The following NFIA variants were observed in gnomAD, a reference collection of about 807,000 sequenced individuals.
NFIA encodes the protein nuclear factor 1 A-type.
Under a neutral mutation model 62.8 loss-of-function variants are expected in NFIA, and 8 were observed. The ratio of observed to expected loss-of-function variants is 0.13; its 90% confidence interval spans 0.07 to 0.23. The LOEUF is 0.23. Ranked by LOEUF, NFIA falls within the 10% of genes least tolerant of loss-of-function variation. The pLI is 1.00. For missense variants in NFIA, 410 were observed against 642.1 expected, an observed-to-expected ratio of 0.64 and a Z score of 3.91; for synonymous variants, 235 against 238.1, an observed-to-expected ratio of 0.99 and a Z score of 0.12.
intron 9 of NFIA, among the ~76,000 whole-genome samples, chr1:61,413,373 A>G (rs1225002887): frequency 6.6e-6 from 1 of 152,150 alleles, no homozygotes; most frequent in African/African-American, 2.4e-5. Flanking sequence ...GTATTATCTT[A>G]TCCCATCTTC....
At chr1:61,206,664 A>T (rs761999655) in intron 2 of NFIA, among the ~76,000 whole-genome samples, 5 of 152,198 alleles carry the variant, frequency 3.3e-5, no homozygotes, top group African/African-American at 4.8e-5. Flanking sequence ...ATTTTGGATG[A>T]CATGCTGCAT....
intron 2 of NFIA, among the ~76,000 whole-genome samples, chr1:61,255,769 T>C (rs1474859872): frequency 2.0e-5 from 3 of 152,326 alleles, no homozygotes; most frequent in East Asian, 1.9e-4. Context: ...ACCTCTTTTT[T>C]CTTGGCACCT....
chr1:61,450,141 A>C (rs1557448783), intron 10 of NFIA, among the ~76,000 whole-genome samples: 1 of 152,240 alleles, frequency 6.6e-6, no homozygotes, highest in Non-Finnish European at 1.5e-5. Flanking sequence ...TAGACAAGAA[A>C]GTCCTACAGG....
chr1:61,391,332 G>A (rs2100499455), intron 7 of NFIA, among the ~76,000 whole-genome samples: 1 of 152,098 alleles, frequency 6.6e-6, no homozygotes, highest in South Asian at 2.1e-4. Context: ...AAAGTGCTGG[G>A]ATTACAACAG....
At chr1:61,145,502 A>T (rs1351196394) in intron 2 of NFIA, among the ~76,000 whole-genome samples, 10 of 152,208 alleles carry the variant, frequency 6.6e-5, no homozygotes, top group African/African-American at 2.4e-4. Context: ...TTGAGTATCT[A>T]CTATGTGCCA....
intron 10 of NFIA, among the ~76,000 whole-genome samples, chr1:61,430,504 C>T (rs2100559516): frequency 6.6e-6 from 1 of 152,208 alleles, no homozygotes; most frequent in Non-Finnish European, 1.5e-5. Flanking sequence ...TGTTTCTTCC[C>T]CTTAACAATA....
chr1:61,200,308 A>G (rs1652382782), intron 2 of NFIA, among the ~76,000 whole-genome samples: 1 of 151,694 alleles, frequency 6.6e-6, no homozygotes, highest in Non-Finnish European at 1.5e-5. Flanking sequence ...TAATAATATT[A>G]TGAGTTAATC....
At chr1:61,377,068 C>G (rs1014242189) in intron 6 of NFIA, among the ~76,000 whole-genome samples, 2 of 151,130 alleles carry the variant, frequency 1.3e-5, no homozygotes, top group Non-Finnish European at 3.0e-5. Flanking sequence ...AAAAAAAATA[C>G]AAAAATTAGC....
chr1:61,352,232 G>C (rs925227769), intron 4 of NFIA, among the ~76,000 whole-genome samples: 1 of 152,132 alleles, frequency 6.6e-6, no homozygotes, highest in Non-Finnish European at 1.5e-5. Context: ...ATTACATAAA[G>C]AGAAAAGATG....
chr1:61,118,266 C>T lies in NFIA; in HGVS notation c.559+29586C>T, dbSNP rs577865894. Among the ~76,000 whole-genome samples the T allele has an allele frequency of 4.4e-4, 66 of 151,720 alleles. No individual in the cohort carries two copies. In the South Asian group the frequency reaches 4.4e-3, roughly 10 times the overall value. On this transcript the variant is annotated intron_variant, in intron 2 of 10. Coordinates refer to ENST00000403491, the MANE Select transcript of NFIA (RefSeq NM_001134673.4). ...AAGGAAAAGAATTCTTATTCAGAAT[C>T]AGCATGATCACTTCTGGGAATCTGA... is the stretch of plus-strand genomic sequence containing the variant.
intron 2 of NFIA, among the ~76,000 whole-genome samples, chr1:61,108,124 C>A (rs1354777559): frequency 6.6e-6 from 1 of 151,460 alleles, no homozygotes; most frequent in Non-Finnish European, 1.5e-5. Flanking sequence ...TATTCTTTAC[C>A]CCTCACTATT....
At chr1:61,087,255 A>G (rs1646234124) in intron 1 of NFIA, among the ~76,000 whole-genome samples, 1 of 152,162 alleles carries the variant, frequency 6.6e-6, no homozygotes, top group Non-Finnish European at 1.5e-5. Flanking sequence ...ATTCCCTATG[A>G]GAAAAATCCT....
chr1:61,355,924 C>G (rs572249274), intron 5 of NFIA, among the ~76,000 whole-genome samples: 2 of 152,230 alleles, frequency 1.3e-5, no homozygotes, highest in African/African-American at 4.8e-5. Context: ...TGCTTTCAAA[C>G]TAAGGCATCA....
At chr1:61,283,594 A>AAAAAAAAAAAAAAAAAAG (rs1658295071) in intron 3 of NFIA, among the ~76,000 whole-genome samples, 1 of 110,010 alleles carries the variant, frequency 9.1e-6, no homozygotes, top group Non-Finnish European at 1.9e-5. Flanking sequence ...AAAAAAAAAA[A>AAAAAAAAAAAAAAAAAAG]AAAAAAAAAA....
chr1:61,312,308 G>A (rs1480824103), intron 3 of NFIA, among the ~76,000 whole-genome samples: 2 of 152,194 alleles, frequency 1.3e-5, no homozygotes, highest in African/African-American at 2.4e-5. Flanking sequence ...CTTTGTAAGT[G>A]CAGTGTCCAC....
At chr1:61,352,332 C>T (rs1184231692) in intron 4 of NFIA, 118 bp from the exon 5 acceptor site, 7 of 674,940 alleles carry the variant, frequency 1.0e-5, no homozygotes, top group Middle Eastern at 2.8e-4. Context: ...TGATTATTTT[C>T]GATTCGCTTA....
chr1:61,423,577 G>A (rs920520659), intron 9 of NFIA, among the ~76,000 whole-genome samples: 31 of 152,150 alleles, frequency 2.0e-4, no homozygotes, highest in Non-Finnish European at 2.5e-4. Flanking sequence ...AGTATACACA[G>A]TTGTATGTAA....
chr1:61,292,728 A>T (rs1018025333), intron 3 of NFIA, among the ~76,000 whole-genome samples: 5 of 152,212 alleles, frequency 3.3e-5, no homozygotes, highest in African/African-American at 1.2e-4. Context: ...TGAAGTGTAT[A>T]CATGTTCCTA....
intron 2 of NFIA, among the ~76,000 whole-genome samples, chr1:61,151,658 G>A (rs891250501): frequency 3.3e-5 from 5 of 152,182 alleles, no homozygotes; most frequent in African/African-American, 1.2e-4. Flanking sequence ...GGAACTCAGA[G>A]CAGTGATCTG....
Sources: gnomAD v4.1 joint callset for allele counts (sites outside exome capture counted in the v4.1 genomes callset) on GRCh38, gnomAD v4.1.1 for gene constraint, MANE v1.5 for transcripts, NCBI Gene and HGNC (gene_info 2026-07-23, HGNC 2026-07-21) for gene names.